Variants in ENAH observed in about 807,000 individuals in gnomAD.
ENAH encodes the protein ENAH actin regulator.
ENAH carries 23 observed loss-of-function variants against 78.7 expected under a neutral mutation model. The observed-to-expected ratio is 0.29, with a 90% CI of 0.21 to 0.41. The LOEUF (loss-of-function observed/expected upper bound fraction) is 0.41. ENAH is among the 10% of genes least tolerant of loss of function. The pLI is 1.00. For missense variants in ENAH, 544 were observed against 691.0 expected (o/e 0.79, Z 2.39); for synonymous variants, 226 against 241.0 (o/e 0.94, Z 0.58).
chr1:225,558,760 A>G (rs1040108344), intron 2 of ENAH, among the ~76,000 whole-genome samples: 13 of 148,862 alleles, frequency 8.7e-5, no homozygotes, highest in African/African-American at 2.5e-4. Context: ...CAGCCTCCCG[A>G]GTAGCTGGGA....
intron 11 of ENAH, among the ~76,000 whole-genome samples, chr1:225,504,066 G>T (rs1202869551): frequency 6.6e-6 from 1 of 151,296 alleles, no homozygotes; most frequent in Non-Finnish European, 1.5e-5. Context: ...GGGTGCAGTG[G>T]TGTTATCATG....
chr1:225,541,157 G>A (rs563985805), intron 3 of ENAH, among the ~76,000 whole-genome samples: 5 of 152,270 alleles, frequency 3.3e-5, no homozygotes, highest in South Asian at 2.1e-4. Context: ...AAAATTGGCC[G>A]GGCACGGTGG....
chr1:225,568,627 A>C lies in ENAH; in HGVS notation c.6-1213T>G, dbSNP rs192423644. 2.6e-5 allele frequency among the ~76,000 whole-genome samples: 4 copies of C among 152,340 alleles called. No homozygotes were observed. In the East Asian group the frequency reaches 7.7e-4, roughly 29 times the overall value. On this transcript the variant is annotated intron_variant, in intron 1 of 13. Transcript: ENST00000366843. ...CAATTTTATCTCAAAAATTTTAAACAATAAATCATGTCGGTTCTTTCCTAA... is the reference window on the plus strand; with the variant it reads ...CAATTTTATCTCAAAAATTTTAAACCATAAATCATGTCGGTTCTTTCCTAA...
Position 225,517,228 on chromosome 1 carries a change from G to A in ENAH, c.881C>T (p.Ala294Val). 6.5e-7 allele frequency: 1 copy of A among 1,547,846 alleles called. No individual in the cohort carries two copies. Among genetic ancestry groups the A allele is most frequent in the East Asian group, 2.4e-5 (1 of 40,960 alleles). Residue 294 changes from alanine to valine, a missense_variant, in exon 6 of 14, where the codon GCC (alanine) becomes GTC (valine). By Grantham distance (64) the Ala-to-Val change is moderately conservative. This residue lies in a region of ENAH where 366 missense variants were observed against 396.1 expected (regional missense o/e 0.92). Transcript: ENST00000366843. ...GGATGGAGTCTCGGCCGGCTGAGAG[G>A]CTGCCTGCAAGCCTGGCTCAGAAGC... ...SSASEPGLQA[A>V]SQPAETPSQQ...
intron 4 of ENAH, among the ~76,000 whole-genome samples, chr1:225,520,907 G>A (rs928292507): frequency 4.8e-5 from 6 of 124,802 alleles, no homozygotes; most frequent in African/African-American, 1.9e-4. Context: ...AGAAAAAGAA[G>A]GGAAGGAAGG....
intron 1 of ENAH, among the ~76,000 whole-genome samples, chr1:225,604,360 G>A (rs1471944761): frequency 6.6e-6 from 1 of 152,190 alleles, no homozygotes. Flanking sequence ...CAGAGCTAAA[G>A]GAGGAAAATG....
chr1:225,608,220 G>GAAAAAAAAAAAAAAAAAAAAAAA (rs60998592), intron 1 of ENAH, among the ~76,000 whole-genome samples: 6 of 91,294 alleles, frequency 6.6e-5, no homozygotes, highest in African/African-American at 8.6e-5. Flanking sequence ...ATAAAAAACA[G>GAAAAAAAAAAAAAAAAAAAAAAA]AAAAAAAAAA....
chr1:225,642,206 C>T (rs1191744281), intron 1 of ENAH, among the ~76,000 whole-genome samples: 5 of 130,462 alleles, frequency 3.8e-5, no homozygotes, highest in Non-Finnish European at 8.0e-5. Context: ...GACTCCATCT[C>T]AGGAAAAAAA....
intron 10 of ENAH, 23 bp from the exon 11 acceptor site, chr1:225,508,040 C>A: frequency 6.9e-7 from 1 of 1,440,966 alleles, no homozygotes; most frequent in Non-Finnish European, 9.3e-7. Context: ...AAAACAAAAG[C>A]TATTAAATAA....
intron 1 of ENAH, among the ~76,000 whole-genome samples, chr1:225,581,464 T>G (rs1040134893): frequency 6.6e-6 from 1 of 152,146 alleles, no homozygotes; most frequent in African/African-American, 2.4e-5. Context: ...TGAGCCACAC[T>G]GACTTCTTAT....
chr1:225,591,763 TC>T (rs1432270330), intron 1 of ENAH, among the ~76,000 whole-genome samples: 32 of 38,868 alleles, frequency 8.2e-4, no homozygotes, highest in Non-Finnish European at 1.2e-3. Flanking sequence ...AGACTCCGTC[TC>T]AAAAAAAAAA....
intron 3 of ENAH, among the ~76,000 whole-genome samples, chr1:225,549,238 GT>G (rs1343949292): frequency 6.6e-6 from 1 of 152,144 alleles, no homozygotes; most frequent in Non-Finnish European, 1.5e-5. Flanking sequence ...TTTGTCCAGG[GT>G]TATCTTTGGG....
At chr1:225,570,633 G>GT (rs373567930) in intron 1 of ENAH, among the ~76,000 whole-genome samples, 2 of 151,916 alleles carry the variant, frequency 1.3e-5, no homozygotes, top group South Asian at 2.1e-4. Flanking sequence ...ATTTTTTAAT[G>GT]TTTTTTTAAA....
Position 225,517,291 on chromosome 1 carries a change from A to T in ENAH, c.818T>A (p.Val273Asp). ...CAGCACAGAGTTTAGAGGAGTCTCA[A>T]CAGAGGCAGGGGCAGCTGCAGAGGG... ...RISSAAAPAS[V>D]ETPLNSVLGD... is the part of the protein sequence containing the mutation. The change falls in exon 6 of 14, where the codon GTT (valine) becomes GAT (aspartate). Residue 273 changes from valine to aspartate, a missense_variant. By Grantham distance (152) the Val-to-Asp change is radical. Around this residue, in one of 4 missense-constraint regions of ENAH, gnomAD observed 366 missense variants for 396.1 expected, o/e 0.92. Transcript: ENST00000366843. 6.4e-7 allele frequency: 1 copy of T among 1,551,898 alleles called. No homozygotes were observed. The highest frequency in any genetic ancestry group is 8.7e-7 in the Non-Finnish European group (1 of 1,147,102).
chr1:225,533,652 A>C (rs2096548537), intron 3 of ENAH, among the ~76,000 whole-genome samples: 1 of 152,180 alleles, frequency 6.6e-6, no homozygotes, highest in African/African-American at 2.4e-5. Flanking sequence ...AAAGTCTGTG[A>C]GTTACTGTTT....
At position 225,495,038 on chromosome 1, in the gene ENAH, A is replaced by T. The variant is rs2096242936; in HGVS notation, c.*2737T>A. On this transcript the variant is annotated 3_prime_UTR_variant, in exon 14 of 14. Transcript: ENST00000366843. ...AAATTTTTAAACAAACTTTTAAATC[A>T]TGATGACTATTCTGAAGAGATTTCA... The T allele has an allele frequency of 6.5e-6, 1 of 152,676 alleles. No homozygotes were observed. The highest frequency in any genetic ancestry group is 2.1e-4 in the South Asian group (1 of 4,836). 9.5% of individuals were successfully genotyped at this position (152,676 alleles called of 1,614,324 possible).
chr1:225,601,250 G>A (rs1394404170), intron 1 of ENAH, among the ~76,000 whole-genome samples: 5 of 152,130 alleles, frequency 3.3e-5, no homozygotes, highest in Middle Eastern at 3.2e-3. Flanking sequence ...GCCAGGCACG[G>A]TGGCTCACGC....
rs1329175445 is a variant in ENAH at position 225,493,390 on chromosome 1, C to A, written c.*4385G>T. On this transcript the variant is annotated 3_prime_UTR_variant, in exon 14 of 14. Coordinates refer to ENST00000366843, the MANE Select transcript of ENAH (RefSeq NM_018212.6). ...CTATGTCTTTACATAGCCAAAGCTACCTACATCAATTTCATTCCTTCAGAG... is the reference window on the plus strand; with the variant it reads ...CTATGTCTTTACATAGCCAAAGCTAACTACATCAATTTCATTCCTTCAGAG... The A allele has an allele frequency of 6.6e-6, 1 of 152,160 alleles. No individual in the cohort carries two copies. 9.4% of individuals were successfully genotyped at this position (152,160 alleles called of 1,614,324 possible).
At chr1:225,629,807 C>T (rs1658672117) in intron 1 of ENAH, among the ~76,000 whole-genome samples, 1 of 152,274 alleles carries the variant, frequency 6.6e-6, no homozygotes, top group Middle Eastern at 3.4e-3. Context: ...GCCAATACTA[C>T]AATTAACTCC....
Sources: gnomAD v4.1 joint callset for allele counts (sites outside exome capture counted in the v4.1 genomes callset) on GRCh38, gnomAD v4.1.1 for gene constraint, gnomAD v4.1.1 regional missense constraint, MANE v1.5 for transcripts, NCBI Gene and HGNC (gene_info 2026-07-23, HGNC 2026-07-21) for gene names.